Variants in TBCK observed in about 807,000 individuals in gnomAD.
TBCK encodes TBC1 domain containing kinase.
A neutral mutation model predicts 113.4 loss-of-function variants in TBCK; 99 were observed. The ratio of observed to expected loss-of-function variants is 0.87; its 90% CI spans 0.74 to 1.03. The LOEUF is 1.03. Ranked by LOEUF, TBCK falls within the 50% of genes least tolerant of loss-of-function variation. The pLI, the probability that TBCK is intolerant of heterozygous loss-of-function variation, is 0.00. For missense variants in TBCK, 1,045 were observed against 1,061.3 expected, an observed-to-expected ratio of 0.98 and a Z score of 0.21; for synonymous variants, 369 against 370.8, an observed-to-expected ratio of 1.00 and a Z score of 0.05.
At chr4:106,130,347 T>C (rs1745737507) in intron 23 of TBCK, among the ~76,000 whole-genome samples, 1 of 152,120 alleles carries the variant, frequency 6.6e-6, no homozygotes, top group Non-Finnish European at 1.5e-5. Flanking sequence ...TCAAACATAC[T>C]GTTTTTCTTA....
chr4:106,096,951 TAAA>T (rs34961069), intron 24 of TBCK, among the ~76,000 whole-genome samples: 7 of 152,164 alleles, frequency 4.6e-5, no homozygotes, highest in African/African-American at 1.7e-4. Flanking sequence ...TGTATTTGGT[TAAA>T]AAAGTACCCA....
intron 22 of TBCK, among the ~76,000 whole-genome samples, chr4:106,187,387 A>G (rs998277331): frequency 4.0e-5 from 6 of 151,088 alleles, no homozygotes; most frequent in Non-Finnish European, 8.9e-5. Context: ...ATGTTTTTCC[A>G]TTTGTTTGTG....
intron 19 of TBCK, among the ~76,000 whole-genome samples, chr4:106,215,197 A>C (rs1224085452): frequency 6.6e-6 from 1 of 152,066 alleles, no homozygotes; most frequent in African/African-American, 2.4e-5. Context: ...GCCTGCCCTA[A>C]AAGAGCTCCT....
chr4:106,148,876 C>G (rs773874109), intron 23 of TBCK, among the ~76,000 whole-genome samples: 4 of 152,204 alleles, frequency 2.6e-5, no homozygotes, highest in Non-Finnish European at 4.4e-5. Context: ...TCTCTTCTCT[C>G]TAGCTATGAA....
At chr4:106,298,964 C>T (rs1766626599) in intron 2 of TBCK, among the ~76,000 whole-genome samples, 1 of 152,086 alleles carries the variant, frequency 6.6e-6, no homozygotes, top group Admixed American at 6.6e-5. Flanking sequence ...TGGAACATAT[C>T]CCCTGAGGAA....
intron 25 of TBCK, among the ~76,000 whole-genome samples, chr4:106,059,496 C>T (rs962513351): frequency 6.6e-6 from 1 of 151,534 alleles, no homozygotes; most frequent in Admixed American, 6.6e-5. Context: ...TCAGATGCTG[C>T]TATTGTAATT....
chr4:106,252,089 C>A, intron 5 of TBCK, 82 bp from the exon 6 acceptor site: 1 of 1,181,746 alleles, frequency 8.5e-7, no homozygotes, highest in Non-Finnish European at 1.2e-6. Context: ...GTGGTAAGAT[C>A]TATGTAAAAG....
intron 3 of TBCK, among the ~76,000 whole-genome samples, chr4:106,283,381 C>T (rs3113246): frequency 0.057 from 8,633 of 151,964 alleles, 503 homozygotes; most frequent in East Asian, 0.28. Flanking sequence ...TATCTTACTA[C>T]TAGAGGGTTA....
chr4:106,238,162 A>T lies in TBCK; in HGVS notation c.1171-1354T>A, dbSNP rs1579352888. Reference sequence around the variant, plus strand: ...AACAAATTAAGAGCAAAACAAAATCAGCTGAAATCATATATTTTGGATGTA... The same window carrying T: ...AACAAATTAAGAGCAAAACAAAATCTGCTGAAATCATATATTTTGGATGTA... On this transcript the variant is annotated intron_variant, in intron 12 of 25. Coordinates refer to ENST00000394708, the MANE Select transcript of TBCK (RefSeq NM_001163435.3). Among the ~76,000 whole-genome samples the T allele has an allele frequency of 3.9e-5, 6 of 152,230 alleles. No homozygotes were observed. In the South Asian group the frequency reaches 1.2e-3, roughly 32 times the overall value.
At chr4:106,082,243 A>C (rs1043977399) in intron 25 of TBCK, among the ~76,000 whole-genome samples, 2 of 152,234 alleles carry the variant, frequency 1.3e-5, no homozygotes, top group African/African-American at 4.8e-5. Flanking sequence ...TATACCATGG[A>C]ATACCATGCA....
intron 24 of TBCK, among the ~76,000 whole-genome samples, chr4:106,096,643 C>T (rs1481662439): frequency 1.3e-5 from 2 of 152,082 alleles, no homozygotes; most frequent in Non-Finnish European, 2.9e-5. Flanking sequence ...CCTAGGTTGT[C>T]GTGTTGGTAT....
At chr4:106,133,256 A>G (rs1746169119) in intron 23 of TBCK, among the ~76,000 whole-genome samples, 1 of 152,172 alleles carries the variant, frequency 6.6e-6, no homozygotes, top group Non-Finnish European at 1.5e-5. Context: ...TTCTCATGGT[A>G]GTGAATAAGT....
intron 20 of TBCK, among the ~76,000 whole-genome samples, chr4:106,207,175 T>C (rs1301011725): frequency 6.6e-6 from 1 of 152,172 alleles, no homozygotes; most frequent in East Asian, 1.9e-4. Flanking sequence ...GTAAATCACA[T>C]AACTACCATG....
At chr4:106,172,579 A>G (rs1267692990) in intron 22 of TBCK, among the ~76,000 whole-genome samples, 1 of 152,144 alleles carries the variant, frequency 6.6e-6, no homozygotes, top group African/African-American at 2.4e-5. Context: ...ATGGAGAAAA[A>G]TATATTACAT....
At chr4:106,131,605 C>T (rs1745939513) in intron 23 of TBCK, among the ~76,000 whole-genome samples, 1 of 152,134 alleles carries the variant, frequency 6.6e-6, no homozygotes, top group Admixed American at 6.5e-5. Context: ...AAAAGCAAAA[C>T]TCCATCTCAA....
rs1356006376 is a variant in TBCK at position 106,092,163 on chromosome 4, T to C, written c.2571+3319A>G. 6.6e-5 allele frequency among the ~76,000 whole-genome samples: 10 copies of C among 152,186 alleles called. No individual in the cohort carries two copies. In the East Asian group the frequency reaches 1.9e-3, roughly 30 times the overall value. On this transcript the variant is annotated intron_variant, in intron 25 of 25. Transcript: ENST00000394708. ...CCAAGTCCCCACCAGATTAGCTAGA[T>C]ACAGAGTGCTGATTGGTGCATCCAC...
intron 3 of TBCK, among the ~76,000 whole-genome samples, chr4:106,271,652 T>C (rs1261485361): frequency 1.3e-5 from 2 of 151,192 alleles, no homozygotes; most frequent in East Asian, 3.9e-4. Context: ...CTTGGGAGGC[T>C]GAGGCAGGAG....
chr4:106,221,610 A>C (rs977158064), intron 19 of TBCK, among the ~76,000 whole-genome samples: 3 of 152,120 alleles, frequency 2.0e-5, no homozygotes, highest in African/African-American at 4.8e-5. Context: ...TAAATTTTTA[A>C]AATATCAAAA....
chr4:106,049,633 C>T (rs998591539), intron 25 of TBCK, among the ~76,000 whole-genome samples: 6 of 151,858 alleles, frequency 4.0e-5, no homozygotes, highest in Admixed American at 1.3e-4. Flanking sequence ...AGGGTTTCTT[C>T]CATCTTTCAT....
Sources: gnomAD v4.1 joint callset for allele counts (sites outside exome capture counted in the v4.1 genomes callset) on GRCh38, gnomAD v4.1.1 for gene constraint, MANE v1.5 for transcripts, NCBI Gene and HGNC (gene_info 2026-07-23, HGNC 2026-07-21) for gene names.